Variants in NCOA6 observed in about 807,000 individuals in gnomAD.
The protein encoded by NCOA6 is nuclear receptor coactivator 6, also known as NRC RAP250.
NCOA6 carries 49 observed loss-of-function variants against 171.4 expected under a neutral mutation model. The ratio of observed to expected loss-of-function variants is 0.29; its 90% confidence interval spans 0.23 to 0.36. The LOEUF (loss-of-function observed/expected upper bound fraction) is 0.36. Ranked by LOEUF, NCOA6 falls within the 10% of genes least tolerant of loss-of-function variation. The pLI, the probability that NCOA6 is intolerant of heterozygous loss-of-function variation, is 1.00. For synonymous variants in NCOA6, 910 were observed against 927.5 expected (o/e 0.98, Z 0.34); for missense variants, 2,248 against 2,554.5 (o/e 0.88, Z 2.59).
At position 34,740,344 on chromosome 20, in the gene NCOA6, T is replaced by C; in HGVS notation, c.5893+19A>G. 2 of 1,595,134 alleles carry C rather than the reference T, an allele frequency of 1.3e-6. No individual in the cohort carries two copies. The highest frequency in any genetic ancestry group is 1.7e-6 in the Non-Finnish European group (2 of 1,168,456). On this transcript the variant is annotated intron_variant, in intron 11 of 14. Coordinates refer to ENST00000359003, the MANE Select transcript of NCOA6 (RefSeq NM_014071.5). ...TCAAAAAACTGACACAAAGAGATGATGAAGCCCCAAGTACATACCTATGCT... is the reference window on the plus strand; with the variant it reads ...TCAAAAAACTGACACAAAGAGATGACGAAGCCCCAAGTACATACCTATGCT...
rs911020103 is a variant in NCOA6, at chr20:34,739,673, C to T, written c.5893+690G>A. On this transcript the variant is annotated intron_variant, in intron 11 of 14. Coordinates refer to ENST00000359003, the MANE Select transcript of NCOA6 (RefSeq NM_014071.5). The stretch of plus-strand genomic sequence containing the variant: ...TTAAATGGGAGGTTCACAGTATAGA[C>T]TCTGAACAAACACTGAACGTCTTTG... Among the ~76,000 whole-genome samples, 10 of 152,338 alleles carry T rather than the reference C, an allele frequency of 6.6e-5. 2 individuals carry two copies. Among genetic ancestry groups the T allele is most frequent in the Admixed American group, 6.5e-5 (1 of 15,306 alleles).
rs375914895 is a variant in NCOA6, at chr20:34,750,130, G to C, written c.2065C>G (p.Pro689Ala). 1.9e-6 allele frequency: 3 copies of C among 1,613,990 alleles called. No individual in the cohort carries two copies. The African/African-American group carries it at 4.0e-5, about 22-fold the overall frequency. ...TGGTTATGTGGCGCCATCATTTGTG[G>C]GCCCTGCTGGGAAAGCATCTGCTTG... ...PPKQMLSQQGPQMMAPHNQMM... is the reference protein window; with the variant it reads ...PPKQMLSQQGAQMMAPHNQMM... Residue 689 changes from proline to alanine, a missense_variant, in exon 9 of 15, where the codon CCA becomes GCA. Coordinates refer to ENST00000359003, the MANE Select transcript of NCOA6 (RefSeq NM_014071.5).
intron 11 of NCOA6, chr20:34,738,854 C>T (rs948807243): frequency 2.2e-5 from 10 of 455,854 alleles, no homozygotes; most frequent in Non-Finnish European, 4.4e-5. Flanking sequence ...GAACTCTGAT[C>T]TTACCCTGAA....
At chr20:34,762,116 TG>T (rs2076836607) in intron 5 of NCOA6, among the ~76,000 whole-genome samples, 1 of 152,238 alleles carries the variant, frequency 6.6e-6, no homozygotes, top group South Asian at 2.1e-4. Context: ...TTAAATGTCT[TG>T]AGGCTAGGTT....
chr20:34,788,508 T>A (rs1461852710), intron 2 of NCOA6, among the ~76,000 whole-genome samples: 1 of 152,184 alleles, frequency 6.6e-6, no homozygotes, highest in Non-Finnish European at 1.5e-5. Flanking sequence ...TAAACTGACA[T>A]GGCACACTGG....
intron 4 of NCOA6, 143 bp downstream of exon 4, chr20:34,776,150 C>T: frequency 2.7e-6 from 3 of 1,101,794 alleles, no homozygotes; most frequent in Middle Eastern, 2.7e-4. Flanking sequence ...TAAGGTGCTG[C>T]AAAGCAAAGT....
intron 1 of NCOA6, among the ~76,000 whole-genome samples, chr20:34,812,633 T>C (rs574947568): frequency 6.6e-6 from 1 of 152,092 alleles, no homozygotes; most frequent in South Asian, 2.1e-4. Context: ...TCCCACGTTG[T>C]TACATAAAAA....
In NCOA6 at chr20:34,757,902, C is replaced by T. The variant is rs1600879922; in HGVS notation, c.846G>A (p.Gln282=). 6.2e-7 allele frequency: 1 copy of T among 1,613,966 alleles called. No homozygotes were observed. Among genetic ancestry groups the T allele is most frequent in the Non-Finnish European group, 8.5e-7 (1 of 1,179,990 alleles). The change falls in exon 7 of 15, where the codon CAG becomes CAA. Residue 282 remains glutamine, a synonymous_variant. Transcript: ENST00000359003. The part of the protein sequence containing the change: ...QQQQQQQQQQ[Q]QQQLQARPPQ... The stretch of plus-strand genomic sequence containing the variant: ...GGGGTCTTGCCTGCAACTGTTGTTG[C>T]TGCTGTTGCTGTTGTTGCTGCTGCT...
intron 3 of NCOA6, among the ~76,000 whole-genome samples, chr20:34,780,333 A>G (rs922274320): frequency 6.6e-6 from 1 of 152,158 alleles, no homozygotes; most frequent in Non-Finnish European, 1.5e-5. Flanking sequence ...TGATAGCACC[A>G]TAAATCTAGA....
chr20:34,765,683 C>T lies in NCOA6; in HGVS notation c.514+2781G>A, dbSNP rs547271134. On this transcript the variant is annotated intron_variant, in intron 5 of 14. Coordinates refer to ENST00000359003, the MANE Select transcript of NCOA6 (RefSeq NM_014071.5). ...CAAATGCAGGGAAGTAGTGGTGCTA[C>T]TGGCATCTGGTGGGTAGAAGCCAGG... 2.0e-5 allele frequency among the ~76,000 whole-genome samples: 3 copies of T among 152,260 alleles called. No individual in the cohort carries two copies. In the East Asian group the frequency reaches 5.8e-4, roughly 29 times the overall value.
At chr20:34,817,258 C>T (rs753433036) in intron 1 of NCOA6, among the ~76,000 whole-genome samples, 19 of 150,846 alleles carry the variant, frequency 1.3e-4, no homozygotes, top group Middle Eastern at 3.4e-3. Context: ...GTGTGTGTGA[C>T]GGAGGGGGAG....
intron 5 of NCOA6, among the ~76,000 whole-genome samples, chr20:34,763,312 G>A (rs1179417411): frequency 6.6e-6 from 1 of 151,642 alleles, no homozygotes; most frequent in Non-Finnish European, 1.5e-5. Flanking sequence ...CTTTTTCTCT[G>A]CGCATCCTGA....
chr20:34,811,201 G>GAATATATATATATA (rs1555858016), intron 1 of NCOA6, among the ~76,000 whole-genome samples: 1 of 53,798 alleles, frequency 1.9e-5, no homozygotes, highest in Non-Finnish European at 3.7e-5. Flanking sequence ...ACAACAACGT[G>GAATATATATATATA]TATATATATA....
chr20:34,797,154 G>A (rs910054094), intron 1 of NCOA6, among the ~76,000 whole-genome samples: 2 of 152,104 alleles, frequency 1.3e-5, no homozygotes, highest in African/African-American at 2.4e-5. Flanking sequence ...CATGGCCAAG[G>A]AGTAATTGTG....
chr20:34,742,539 C>T lies in NCOA6; in HGVS notation c.3717G>A (p.Leu1239=). ...PPSTEPSEIS[L]SPERLNASIA... ...TGGAGGCATTGAGTCTTTCTGGTGA[C>T]AGACTGATTTCTGAAGGTTCTGTGC... Residue 1239 remains leucine, a synonymous_variant, in exon 11 of 15, where the codon CTG becomes CTA. Coordinates refer to ENST00000359003, the MANE Select transcript of NCOA6 (RefSeq NM_014071.5). 2 of 1,614,148 alleles carry T rather than the reference C, an allele frequency of 1.2e-6. No individual in the cohort carries two copies. The highest frequency in any genetic ancestry group is 1.7e-6 in the Non-Finnish European group (2 of 1,180,032).
intron 8 of NCOA6, among the ~76,000 whole-genome samples, chr20:34,751,366 G>A (rs1350780221): frequency 2.1e-5 from 1 of 47,550 alleles, no homozygotes; most frequent in Non-Finnish European, 3.9e-5. Context: ...GACAGAGCAA[G>A]ACTCCGTCTC....
chr20:34,772,573 T>A (rs999507491), intron 4 of NCOA6, among the ~76,000 whole-genome samples: 2 of 152,146 alleles, frequency 1.3e-5, no homozygotes, highest in Non-Finnish European at 2.9e-5. Flanking sequence ...TGAGACTTTG[T>A]AACCAGAGCT....
intron 12 of NCOA6, among the ~76,000 whole-genome samples, chr20:34,735,608 C>T (rs1317815959): frequency 1.3e-5 from 2 of 150,498 alleles, no homozygotes; most frequent in Non-Finnish European, 3.0e-5. Flanking sequence ...TGCGCCACTG[C>T]ACTCCAGCCT....
chr20:34,800,509 G>T (rs75182458), intron 1 of NCOA6, among the ~76,000 whole-genome samples: 1 of 151,952 alleles, frequency 6.6e-6, no homozygotes, highest in African/African-American at 2.4e-5. Context: ...CTACAAAGAC[G>T]CATACAGACT....
Sources: gnomAD v4.1 joint callset for allele counts (sites outside exome capture counted in the v4.1 genomes callset) on GRCh38, gnomAD v4.1.1 for gene constraint, MANE v1.5 for transcripts, NCBI Gene and HGNC (gene_info 2026-07-23, HGNC 2026-07-21) for gene names.